Variants in CSMD1 observed in about 807,000 individuals in gnomAD.
CSMD1 encodes the protein CUB and Sushi multiple domains 1.
Under a neutral mutation model 417.5 loss-of-function variants are expected in CSMD1, and 213 were observed. That is an observed-to-expected ratio of 0.51 (90% confidence interval 0.46 to 0.57). The LOEUF is 0.57. CSMD1 is among the 20% of genes least tolerant of loss of function. CSMD1 has a pLI of 0.00. For synonymous variants in CSMD1, 2,862 were observed against 1,736.8 expected, an observed-to-expected ratio of 1.65 and a Z score of -16.11; for missense variants, 6,923 against 4,529.7, an observed-to-expected ratio of 1.53 and a Z score of -15.17.
rs145925006 is a variant in CSMD1, at chr8:4,763,562, A to G, written c.86-126004T>C. ...GGGGCACCATAGAAAGAGCAGATCT[A>G]TTGTCTTACTTGCTGCGTATTTTCT... On this transcript the variant is annotated intron_variant, in intron 1 of 69. Coordinates refer to ENST00000635120, the MANE Select transcript of CSMD1 (RefSeq NM_033225.6). Among the ~76,000 whole-genome samples the G allele has an allele frequency of 2.4e-3, 365 of 152,228 alleles. 1 individual carries two copies. The highest frequency in any genetic ancestry group is 4.0e-3 in the Non-Finnish European group (275 of 67,996).
chr8:3,700,308 G>C (rs1286683149), intron 7 of CSMD1, among the ~76,000 whole-genome samples: 3 of 152,134 alleles, frequency 2.0e-5, no homozygotes, highest in Admixed American at 6.5e-5. Context: ...CCCTCATGTA[G>C]TTCAGTTTAT....
intron 3 of CSMD1, among the ~76,000 whole-genome samples, chr8:4,223,652 C>G (rs945267307): frequency 3.3e-5 from 5 of 152,194 alleles, no homozygotes; most frequent in African/African-American, 1.2e-4. Context: ...GAGTTAAACC[C>G]CAGTCTGTCT....
At chr8:4,169,276 C>T (rs1372539217) in intron 3 of CSMD1, among the ~76,000 whole-genome samples, 3 of 152,132 alleles carry the variant, frequency 2.0e-5, no homozygotes, top group Non-Finnish European at 2.9e-5. Context: ...CCTCAATCTT[C>T]CTGAGCTCAA....
At chr8:4,705,711 C>G (rs1041426940) in intron 1 of CSMD1, among the ~76,000 whole-genome samples, 1 of 152,124 alleles carries the variant, frequency 6.6e-6, no homozygotes, top group Non-Finnish European at 1.5e-5. Context: ...TCTTTAACGT[C>G]TGAAACCATT....
intron 37 of CSMD1, among the ~76,000 whole-genome samples, chr8:3,168,988 G>C (rs192684544): frequency 2.6e-5 from 4 of 152,150 alleles, no homozygotes; most frequent in African/African-American, 7.2e-5. Context: ...AAACTCTGCA[G>C]TGATGAACTC....
rs1617848 is a variant in CSMD1, at chr8:4,431,184, C to T, written c.303-11119G>A. On this transcript the variant is annotated intron_variant, in intron 2 of 69. Transcript: ENST00000635120. ...GGCAAGGGAGGGGAGTAGGTAGTGACCCCTAGAGTTTATTCCAGGTCTGTT... is the reference window on the plus strand; with the variant it reads ...GGCAAGGGAGGGGAGTAGGTAGTGATCCCTAGAGTTTATTCCAGGTCTGTT... 6.5e-3 allele frequency among the ~76,000 whole-genome samples: 982 copies of T among 152,106 alleles called. 10 individuals are homozygous for T. The highest frequency in any genetic ancestry group is 0.022 in the African/African-American group (933 of 41,476).
rs1332078095 is a variant in CSMD1 at position 3,772,187 on chromosome 8, TATACACAC to T, written c.819-18153_819-18146del. Among the ~76,000 whole-genome samples the T allele has an allele frequency of 2.7e-4, 18 of 66,390 alleles. 1 individual carries two copies. The highest frequency in any genetic ancestry group is 5.4e-4 in the African/African-American group (11 of 20,198). The allele number at this position is 66,390 out of a possible 152,430, so 43.6% of individuals were successfully genotyped here. ...GGCAACATATATATATATATATATA[TATACACAC>T]ACACACACACACACACACACATATA... is the stretch of plus-strand genomic sequence containing the variant. On this transcript the variant is annotated intron_variant, in intron 5 of 69. Transcript: ENST00000635120.
chr8:4,591,753 ATC>A (rs1319787785), intron 2 of CSMD1, among the ~76,000 whole-genome samples: 1 of 152,122 alleles, frequency 6.6e-6, no homozygotes, highest in East Asian at 1.9e-4. Flanking sequence ...AGGGGATAGG[ATC>A]TGTTTTGGAA....
intron 3 of CSMD1, among the ~76,000 whole-genome samples, chr8:4,418,129 A>C (rs1374410611): frequency 6.6e-6 from 1 of 152,072 alleles, no homozygotes; most frequent in East Asian, 1.9e-4. Flanking sequence ...CCTTTTTGAC[A>C]GGTTTTTTTC....
At chr8:4,647,516 C>G (rs1039985052) in intron 1 of CSMD1, among the ~76,000 whole-genome samples, 7 of 151,612 alleles carry the variant, frequency 4.6e-5, no homozygotes, top group African/African-American at 1.7e-4. Context: ...ACGCGTGTGC[C>G]ATGGTTGTTT....
intron 49 of CSMD1, among the ~76,000 whole-genome samples, chr8:3,058,603 G>A (rs1049842917): frequency 2.6e-5 from 4 of 152,158 alleles, no homozygotes; most frequent in African/African-American, 7.2e-5. Flanking sequence ...AAGAATGTTT[G>A]TGCCACAACT....
At chr8:4,084,930 A>C (rs1208335210) in intron 3 of CSMD1, among the ~76,000 whole-genome samples, 2 of 152,170 alleles carry the variant, frequency 1.3e-5, no homozygotes, top group Non-Finnish European at 2.9e-5. Context: ...AACTACAAAA[A>C]TTGGTAATTT....
intron 12 of CSMD1, among the ~76,000 whole-genome samples, chr8:3,447,600 C>A (rs66714985): frequency 0.1 from 15,441 of 152,172 alleles, 957 homozygotes; most frequent in East Asian, 0.28. Flanking sequence ...GTAGGATTAG[C>A]CCCTGCACAT....
chr8:3,975,659 C>T (rs17068332), intron 5 of CSMD1, among the ~76,000 whole-genome samples: 12,917 of 152,100 alleles, frequency 0.085, 714 homozygotes, highest in East Asian at 0.2. Context: ...CTTAATGGTC[C>T]CGATTCAGGA....
At chr8:3,098,686 T>C (rs1446377989) in intron 46 of CSMD1, among the ~76,000 whole-genome samples, 1 of 152,180 alleles carries the variant, frequency 6.6e-6, no homozygotes, top group Non-Finnish European at 1.5e-5. Context: ...TCAAAGTTAA[T>C]GTGATATTTT....
At chr8:4,777,525 A>G (rs11136771) in intron 1 of CSMD1, among the ~76,000 whole-genome samples, 23,722 of 152,202 alleles carry the variant, frequency 0.16, 1,961 homozygotes, top group East Asian at 0.33. Context: ...TACCTGAAAC[A>G]TAACACATTT....
intron 12 of CSMD1, among the ~76,000 whole-genome samples, chr8:3,444,274 G>C (rs997265967): frequency 1.3e-5 from 2 of 152,150 alleles, no homozygotes; most frequent in South Asian, 2.1e-4. Flanking sequence ...ATTTGGAATG[G>C]TTTATCCCAC....
chr8:3,500,136 T>C (rs1208523413), intron 10 of CSMD1, among the ~76,000 whole-genome samples: 7 of 152,158 alleles, frequency 4.6e-5, no homozygotes, highest in Admixed American at 3.9e-4. Flanking sequence ...CACTTCACGT[T>C]CATCTTTATG....
intron 10 of CSMD1, among the ~76,000 whole-genome samples, chr8:3,570,141 A>G (rs1193599358): frequency 6.6e-6 from 1 of 152,234 alleles, no homozygotes; most frequent in African/African-American, 2.4e-5. Flanking sequence ...GTCCACTTTA[A>G]GAAATCAAAG....
Sources: gnomAD v4.1 joint callset for allele counts (sites outside exome capture counted in the v4.1 genomes callset) on GRCh38, gnomAD v4.1.1 for gene constraint, MANE v1.5 for transcripts, NCBI Gene and HGNC (gene_info 2026-07-23, HGNC 2026-07-21) for gene names.